PLCB4: variants seen among roughly 807,000 people sequenced by gnomAD.
The protein encoded by PLCB4 is 1-phosphatidylinositol 4,5-bisphosphate phosphodiesterase beta-4.
Under a neutral mutation model 178.8 loss-of-function variants are expected in PLCB4, and 77 were observed. The observed-to-expected ratio is 0.43, with a 90% CI of 0.36 to 0.52. PLCB4 has a LOEUF of 0.52. Ranked by LOEUF, PLCB4 falls within the 20% of genes least tolerant of loss-of-function variation. The probability of loss-of-function intolerance (pLI) is 0.00; values close to 1 mark genes in which losing one functional copy is unlikely to be tolerated. For missense variants in PLCB4, 1,024 were observed against 1,453.4 expected, an observed-to-expected ratio of 0.70 and a Z score of 4.80; for synonymous variants, 496 against 490.8, an observed-to-expected ratio of 1.01 and a Z score of -0.14.
intron 3 of PLCB4, among the ~76,000 whole-genome samples, chr20:9,286,305 A>G (rs1196638243): frequency 6.6e-6 from 1 of 152,070 alleles, no homozygotes; most frequent in East Asian, 1.9e-4. Context: ...ATCTCCACCC[A>G]TAAACCTTCA....
chr20:9,388,187 G>A (rs114131763), intron 15 of PLCB4, among the ~76,000 whole-genome samples: 4,391 of 152,108 alleles, frequency 0.029, 210 homozygotes, highest in African/African-American at 0.1. Context: ...GCAGTGAGCC[G>A]AGATTACACT....
intron 37 of PLCB4, 24 bp downstream of exon 37, chr20:9,472,871 G>T: frequency 1.4e-6 from 2 of 1,385,908 alleles, no homozygotes; most frequent in South Asian, 1.2e-5. Context: ...TATATTTTTG[G>T]CATTCTTCCT....
chr20:9,434,775 G>T (rs746078095), intron 28 of PLCB4, among the ~76,000 whole-genome samples: 77 of 152,110 alleles, frequency 5.1e-4, no homozygotes, highest in Admixed American at 1.2e-3. Context: ...GTTATCTTAA[G>T]AATTATCCTA....
At chr20:9,226,560 T>G (rs1420014519) in intron 3 of PLCB4, among the ~76,000 whole-genome samples, 1 of 152,168 alleles carries the variant, frequency 6.6e-6, no homozygotes, top group Non-Finnish European at 1.5e-5. Flanking sequence ...TTTCATTGGT[T>G]TTGGAAGTAT....
chr20:9,167,428 ATTTTG>A (rs1300585853), intron 2 of PLCB4, among the ~76,000 whole-genome samples: 1 of 152,138 alleles, frequency 6.6e-6, no homozygotes, highest in African/African-American at 2.4e-5. Context: ...ATATTTCAGT[ATTTTG>A]TTTTGATTGC....
At chr20:9,315,393 A>T (rs1217236847) in intron 4 of PLCB4, among the ~76,000 whole-genome samples, 1 of 152,232 alleles carries the variant, frequency 6.6e-6, no homozygotes, top group East Asian at 1.9e-4. Flanking sequence ...TGAACAAGAC[A>T]AACAAAGTCT....
At position 9,184,966 on chromosome 20, in the gene PLCB4, C is replaced by A. The variant is rs142778124; in HGVS notation, c.-78-32424C>A. ...CAGGGTCTCACTCTGTCAGCCACCC[C>A]GGCTGGAGTGCAGTGGCACAATCAT... On this transcript the variant is annotated intron_variant, in intron 2 of 39. Transcript: ENST00000378473. Among the ~76,000 whole-genome samples, 520 of 152,276 alleles carry A rather than the reference C, an allele frequency of 3.4e-3. 2 individuals carry two copies. Among genetic ancestry groups the A allele is most frequent in the African/African-American group, 0.012 (492 of 41,550 alleles).
At chr20:9,476,839 C>T (rs145206462) in intron 39 of PLCB4, 86 bp downstream of exon 39, 6 of 867,020 alleles carry the variant, frequency 6.9e-6, no homozygotes, top group African/African-American at 5.0e-5. Flanking sequence ...TTATGAGTCA[C>T]ATCTGGTCAT....
chr20:9,100,383 T>C (rs6133663), intron 2 of PLCB4, among the ~76,000 whole-genome samples: 31,070 of 152,022 alleles, frequency 0.2, 4,360 homozygotes, highest in East Asian at 0.65. Context: ...TTATTGTTAA[T>C]TTTTTTTAGA....
At chr20:9,161,597 A>C (rs191983300) in intron 2 of PLCB4, among the ~76,000 whole-genome samples, 50 of 152,364 alleles carry the variant, frequency 3.3e-4, no homozygotes, top group African/African-American at 1.1e-3. Context: ...TGCACAAATC[A>C]TGTTCTGTGA....
At chr20:9,233,815 T>G (rs1357907148) in intron 3 of PLCB4, among the ~76,000 whole-genome samples, 1 of 152,024 alleles carries the variant, frequency 6.6e-6, no homozygotes, top group African/African-American at 2.4e-5. Context: ...TAGGAAGGAG[T>G]TTTTAAAATT....
intron 14 of PLCB4, 87 bp from the exon 15 acceptor site, chr20:9,387,376 A>AAG: frequency 1.5e-6 from 1 of 681,008 alleles, no homozygotes. Context: ...CTGGAAGAAA[A>AAG]CAACTTATTT....
Position 9,395,609 on chromosome 20 carries a change from A to G in PLCB4, c.1501A>G (p.Ile501Val). The change falls in exon 19 of 40, where the codon ATC (isoleucine) becomes GTC (valine). Residue 501 changes from isoleucine to valine, a missense_variant. Around this residue, in one of 7 missense-constraint regions of PLCB4, gnomAD observed 263 missense variants for 417.4 expected, o/e 0.63. Transcript: ENST00000378473. Reference sequence around the variant, plus strand: ...CTTAGAGGACGATAATGAAGAGGAGATCGAAAGTGGTGAGCTGTTTGCTTT... The same window carrying G: ...CTTAGAGGACGATAATGAAGAGGAGGTCGAAAGTGGTGAGCTGTTTGCTTT... ...NILEDDNEEE[I>V]ESADQEEEAH... is the part of the protein sequence containing the mutation. 6.2e-7 allele frequency: 1 copy of G among 1,606,350 alleles called. No homozygotes were observed. Among genetic ancestry groups the G allele is most frequent in the East Asian group, 2.2e-5 (1 of 44,830 alleles).
intron 2 of PLCB4, among the ~76,000 whole-genome samples, chr20:9,134,401 A>G (rs1437498607): frequency 6.6e-6 from 1 of 152,196 alleles, no homozygotes; most frequent in Non-Finnish European, 1.5e-5. Flanking sequence ...TTATAATTGC[A>G]TTAATTTAAT....
At chr20:9,447,404 G>T (rs2042478303) in intron 32 of PLCB4, among the ~76,000 whole-genome samples, 1 of 152,164 alleles carries the variant, frequency 6.6e-6, no homozygotes, top group African/African-American at 2.4e-5. Context: ...CTTCCTCTCT[G>T]CTTTATGTGG....
chr20:9,140,547 G>T (rs892271410), intron 2 of PLCB4, among the ~76,000 whole-genome samples: 1 of 151,814 alleles, frequency 6.6e-6, no homozygotes, highest in Non-Finnish European at 1.5e-5. Context: ...TGGAGGGGGG[G>T]CCTGGTGGGA....
intron 3 of PLCB4, among the ~76,000 whole-genome samples, chr20:9,224,230 C>G (rs944091296): frequency 6.6e-5 from 10 of 152,292 alleles, no homozygotes; most frequent in Non-Finnish European, 1.3e-4. Context: ...CCATCTTGCT[C>G]TCTTGAGCTG....
intron 28 of PLCB4, among the ~76,000 whole-genome samples, chr20:9,424,411 A>G (rs1049460042): frequency 2.6e-5 from 4 of 152,334 alleles, no homozygotes; most frequent in East Asian, 1.9e-4. Context: ...TCATCAATCC[A>G]TATGCTTTAA....
At chr20:9,246,729 G>A (rs1366164200) in intron 3 of PLCB4, among the ~76,000 whole-genome samples, 1 of 152,058 alleles carries the variant, frequency 6.6e-6, no homozygotes, top group East Asian at 1.9e-4. Context: ...ACTTATAATT[G>A]TCTTCTCTTG....
Sources: gnomAD v4.1 joint callset for allele counts (sites outside exome capture counted in the v4.1 genomes callset) on GRCh38, gnomAD v4.1.1 for gene constraint, gnomAD v4.1.1 regional missense constraint, MANE v1.5 for transcripts, NCBI Gene and HGNC (gene_info 2026-07-23, HGNC 2026-07-21) for gene names.